SPACA7: variants seen among roughly 807,000 people sequenced by gnomAD.
SPACA7 encodes the protein sperm acrosome-associated protein 7.
SPACA7 carries 19 observed loss-of-function variants against 26.3 expected under a neutral mutation model. That is an observed-to-expected ratio of 0.72 (90% confidence interval 0.50 to 1.06). The LOEUF (loss-of-function observed/expected upper bound fraction) is 1.06. Ranked by LOEUF, SPACA7 falls within the 50% of genes least tolerant of loss-of-function variation. The pLI is 0.00. For synonymous variants in SPACA7, 84 were observed against 84.5 expected (o/e 0.99, Z 0.04); for missense variants, 211 against 229.9 (o/e 0.92, Z 0.53).
Position 112,419,048 on chromosome 13 carries a change from C to T in SPACA7, c.446-13396C>T, listed in dbSNP as rs548390346. On this transcript the variant is annotated intron_variant, in intron 5 of 6. Coordinates refer to ENST00000283550, the MANE Select transcript of SPACA7 (RefSeq NM_145248.5). ...AAAAAAAAAACAAAAAACAATGCTA[C>T]GCTACTCTCACCCTAATAATAAAAA... 2.3e-3 allele frequency among the ~76,000 whole-genome samples: 353 copies of T among 151,696 alleles called. 1 individual carries two copies. The highest frequency in any genetic ancestry group is 9.4e-3 in the South Asian group (45 of 4,792).
At chr13:112,407,241 A>C (rs959292040) in intron 5 of SPACA7, among the ~76,000 whole-genome samples, 1 of 152,254 alleles carries the variant, frequency 6.6e-6, no homozygotes, top group Non-Finnish European at 1.5e-5. Context: ...AATTTATAGC[A>C]CTAAATGCCC....
At chr13:112,382,940 G>C (rs1446541739) in intron 1 of SPACA7, among the ~76,000 whole-genome samples, 1 of 151,630 alleles carries the variant, frequency 6.6e-6, no homozygotes, top group Non-Finnish European at 1.5e-5. Context: ...AGTAAGCTGA[G>C]ATCGAGCTAT....
chr13:112,425,448 C>T (rs1876445035), intron 5 of SPACA7, among the ~76,000 whole-genome samples: 1 of 152,198 alleles, frequency 6.6e-6, no homozygotes, highest in Non-Finnish European at 1.5e-5. Flanking sequence ...GCCGCTGGAG[C>T]CAAGGTTGGG....
In SPACA7 at chr13:112,405,308, T is replaced by C. The variant is rs538123913; in HGVS notation, c.445+4144T>C. On this transcript the variant is annotated intron_variant, in intron 5 of 6. Coordinates refer to ENST00000283550, the MANE Select transcript of SPACA7 (RefSeq NM_145248.5). ...TTTTTCTAGTTTTAGACCTCAGTAA[T>C]TCTTTTATTTTTTTCCTTTTACCAA... Among the ~76,000 whole-genome samples the C allele has an allele frequency of 3.9e-5, 6 of 152,292 alleles. No individual in the cohort carries two copies. In the East Asian group the frequency reaches 1.2e-3, roughly 29 times the overall value.
In SPACA7 at chr13:112,417,616, T is replaced by C. The variant is rs536504263; in HGVS notation, c.446-14828T>C. The stretch of plus-strand genomic sequence containing the variant: ...TCTTTTCTCTTTCCCAGGTGTTATA[T>C]ATTTTGAAGACTGACACATAAAATT... On this transcript the variant is annotated intron_variant, in intron 5 of 6. Transcript: ENST00000283550. Among the ~76,000 whole-genome samples the C allele has an allele frequency of 1.2e-4, 18 of 152,306 alleles. No individual in the cohort carries two copies. In the South Asian group the frequency reaches 3.7e-3, roughly 32 times the overall value.
intron 5 of SPACA7, among the ~76,000 whole-genome samples, chr13:112,420,699 A>G (rs558300655): frequency 6.6e-6 from 1 of 152,232 alleles, no homozygotes; most frequent in East Asian, 1.9e-4. Flanking sequence ...AAGTTATCAA[A>G]CTACCGATCC....
rs1885624893 is a variant in SPACA7 at position 112,401,291 on chromosome 13, G to A, written c.445+127G>A. On this transcript the variant is annotated intron_variant, in intron 5 of 6. Coordinates refer to ENST00000283550, the MANE Select transcript of SPACA7 (RefSeq NM_145248.5). ...GCCATTAGGTTTCCACCAACATCAT[G>A]GTGAGAAGTGGTATTTCAGTACTGC... 4.6e-6 allele frequency: 3 copies of A among 653,702 alleles called. No homozygotes were observed. In the South Asian group the frequency reaches 5.7e-5, roughly 12 times the overall value. 40.5% of individuals were successfully genotyped at this position (653,702 alleles called of 1,614,324 possible).
intron 6 of SPACA7, among the ~76,000 whole-genome samples, chr13:112,432,740 T>A (rs1390190425): frequency 6.6e-6 from 1 of 151,744 alleles, no homozygotes; most frequent in Non-Finnish European, 1.5e-5. Context: ...ATTGAAGGAG[T>A]GCTCTCCCTT....
At chr13:112,380,662 A>C (rs953696590) in intron 1 of SPACA7, among the ~76,000 whole-genome samples, 1 of 152,086 alleles carries the variant, frequency 6.6e-6, no homozygotes, top group South Asian at 2.1e-4. Flanking sequence ...TCTCTTCCTG[A>C]AAAAACAAAT....
At chr13:112,384,692 C>T (rs1239307453) in intron 1 of SPACA7, among the ~76,000 whole-genome samples, 2 of 152,054 alleles carry the variant, frequency 1.3e-5, no homozygotes, top group Non-Finnish European at 2.9e-5. Flanking sequence ...AAAGAAAAAC[C>T]TTTACTCTGA....
intron 1 of SPACA7, among the ~76,000 whole-genome samples, chr13:112,381,576 T>G (rs979283069): frequency 6.6e-6 from 1 of 152,020 alleles, no homozygotes; most frequent in African/African-American, 2.4e-5. Context: ...GAGCCAATTC[T>G]TCAAGACAGG....
intron 3 of SPACA7, among the ~76,000 whole-genome samples, chr13:112,398,810 C>T (rs1366234842): frequency 6.6e-6 from 1 of 152,218 alleles, no homozygotes; most frequent in Non-Finnish European, 1.5e-5. Flanking sequence ...TGAAATCTTG[C>T]ACCCAGAATG....
At chr13:112,422,991 A>G (rs1385115927) in intron 5 of SPACA7, among the ~76,000 whole-genome samples, 1 of 152,240 alleles carries the variant, frequency 6.6e-6, no homozygotes, top group Non-Finnish European at 1.5e-5. Flanking sequence ...TTAACATTAC[A>G]TATAGGAATG....
chr13:112,423,545 C>G (rs1876198072), intron 5 of SPACA7, among the ~76,000 whole-genome samples: 1 of 152,044 alleles, frequency 6.6e-6, no homozygotes, highest in Admixed American at 6.5e-5. Flanking sequence ...GAAGGTGAAC[C>G]TGAGGCATAA....
chr13:112,390,220 G>A (rs867386253), intron 1 of SPACA7, among the ~76,000 whole-genome samples: 2 of 152,138 alleles, frequency 1.3e-5, no homozygotes, highest in African/African-American at 2.4e-5. Context: ...AAGAGAACTC[G>A]AGTGCAGAGA....
At chr13:112,403,653 TTA>T (rs1885788998) in intron 5 of SPACA7, among the ~76,000 whole-genome samples, 1 of 152,190 alleles carries the variant, frequency 6.6e-6, no homozygotes, top group African/African-American at 2.4e-5. Flanking sequence ...TAGCTCCCAC[TTA>T]TGAGTGAGAA....
intron 5 of SPACA7, among the ~76,000 whole-genome samples, chr13:112,416,469 T>C (rs1208051160): frequency 1.3e-5 from 2 of 152,138 alleles, no homozygotes; most frequent in African/African-American, 4.8e-5. Flanking sequence ...GTGTTTTTAG[T>C]AGAGAATGGG....
At position 112,399,137 on chromosome 13, in the gene SPACA7, T is replaced by G; in HGVS notation, c.313T>G (p.Phe105Val). The change falls in exon 4 of 7, where the codon TTC (phenylalanine) becomes GTC (valine). Residue 105 changes from phenylalanine (F) to valine (V), a missense_variant. Physicochemically the swap from Phe to Val is conservative, Grantham distance 50. Coordinates refer to ENST00000283550, the MANE Select transcript of SPACA7 (RefSeq NM_145248.5). ...NYHELLENLQ[F>V]SPGIEVKISN... is the part of the protein sequence containing the mutation. ...CCATGAATTATTAGAGAATTTACAA[T>G]TCTCTCCTGGCATTGAGGTCAAAAT... The G allele has an allele frequency of 6.2e-7, 1 of 1,610,060 alleles. No individual in the cohort carries two copies. Among genetic ancestry groups the G allele is most frequent in the Non-Finnish European group, 8.5e-7 (1 of 1,176,354 alleles).
At chr13:112,416,916 G>A (rs1399580352) in intron 5 of SPACA7, among the ~76,000 whole-genome samples, 1 of 151,976 alleles carries the variant, frequency 6.6e-6, no homozygotes, top group Non-Finnish European at 1.5e-5. Flanking sequence ...GCAGATTACT[G>A]AAGAATGTGC....
Sources: allele counts gnomAD v4.1 joint callset (sites outside exome capture counted in the v4.1 genomes callset), GRCh38; gene constraint gnomAD v4.1.1; transcripts MANE v1.5; gene names NCBI Gene and HGNC (gene_info 2026-07-23, HGNC 2026-07-21).